GPR161: variants seen among roughly 807,000 people sequenced by gnomAD.
GPR161 encodes G-protein coupled receptor RE2.
Under a neutral mutation model 39.2 loss-of-function variants are expected in GPR161, and 25 were observed. The ratio of observed to expected loss-of-function variants is 0.64; its 90% CI spans 0.47 to 0.89. The LOEUF (loss-of-function observed/expected upper bound fraction) is 0.89. GPR161 is among the 40% of genes least tolerant of loss of function. The pLI, the probability that GPR161 is intolerant of heterozygous loss-of-function variation, is 0.00. For missense variants in GPR161, 547 were observed against 677.8 expected (o/e 0.81, Z 2.14); for synonymous variants, 286 against 276.6 (o/e 1.03, Z -0.34).
intron 1 of GPR161, among the ~76,000 whole-genome samples, chr1:168,116,074 G>A (rs1434221166): frequency 9.8e-5 from 15 of 152,292 alleles, no homozygotes; most frequent in Admixed American, 3.9e-4. Context: ...ACCACGCCCA[G>A]CCTGAAAATA....
intron 5 of GPR161, 126 bp downstream of exon 5, chr1:168,087,459 G>T: frequency 9.0e-7 from 1 of 1,111,888 alleles, no homozygotes; most frequent in Non-Finnish European, 1.3e-6. Context: ...GGAGTAACCA[G>T]GGAGTGAGCA....
rs1693939298 is a variant in GPR161, at chr1:168,079,761, C to CACA, written c.*5767_*5769dup. ...TTCATCCAGCGGTCTATTATGAGAA[C>CACA]ACAACACAGTCCTCTGTCCCTTAAG... On this transcript the variant is annotated 3_prime_UTR_variant, in exon 6 of 6. Coordinates refer to ENST00000682931, the MANE Select transcript of GPR161 (RefSeq NM_001375883.1). 2 of 152,100 alleles carry CACA rather than the reference C, an allele frequency of 1.3e-5. No individual in the cohort carries two copies. Among genetic ancestry groups the CACA allele is most frequent in the Admixed American group, 1.3e-4 (2 of 15,270 alleles). 9.4% of individuals were successfully genotyped at this position (152,100 alleles called of 1,614,324 possible). A position where few individuals can be genotyped will look rare whatever the true frequency, so the allele number is the denominator to read the frequency against.
intron 4 of GPR161, chr1:168,090,305 T>C: frequency 3.0e-6 from 1 of 338,850 alleles, no homozygotes; most frequent in Non-Finnish European, 5.4e-6. Context: ...TTCACTCACT[T>C]TCAACCCCCT....
intron 3 of GPR161, among the ~76,000 whole-genome samples, chr1:168,095,314 G>A (rs1400321419): frequency 6.6e-6 from 1 of 152,230 alleles, no homozygotes; most frequent in African/African-American, 2.4e-5. Flanking sequence ...AAAAACGGGT[G>A]AGATCTGAAT....
Position 168,081,224 on chromosome 1 carries a change from G to A in GPR161, c.*4307C>T, listed in dbSNP as rs1365397327. ...GCTCCCTTAGACTTCTCAAGTTCCA[G>A]ATGCTACTTAGCCTTTCCTCCCTGC... On this transcript the variant is annotated 3_prime_UTR_variant, in exon 6 of 6. Coordinates refer to ENST00000682931, the MANE Select transcript of GPR161 (RefSeq NM_001375883.1). 7.9e-5 allele frequency: 12 copies of A among 152,144 alleles called. No individual in the cohort carries two copies. The highest frequency in any genetic ancestry group is 7.9e-4 in the Admixed American group (12 of 15,284). 9.4% of individuals were successfully genotyped at this position (152,144 alleles called of 1,614,324 possible). A position where few individuals can be genotyped will look rare whatever the true frequency, so the allele number is the denominator to read the frequency against.
At chr1:168,129,872 G>C (rs1407106824) in intron 1 of GPR161, among the ~76,000 whole-genome samples, 2 of 152,178 alleles carry the variant, frequency 1.3e-5, no homozygotes, top group Non-Finnish European at 2.9e-5. Context: ...GAACCCTCTA[G>C]AGGGTAGTCC....
intron 1 of GPR161, among the ~76,000 whole-genome samples, chr1:168,119,237 TATATAC>T (rs1321784139): frequency 4.1e-5 from 5 of 121,242 alleles, no homozygotes; most frequent in East Asian, 4.7e-4. Flanking sequence ...CGTATATATA[TATATAC>T]ACATATATAT....
At chr1:168,134,224 C>A (rs761031819) in intron 1 of GPR161, among the ~76,000 whole-genome samples, 4 of 152,172 alleles carry the variant, frequency 2.6e-5, no homozygotes, top group Non-Finnish European at 5.9e-5. Context: ...TTGAAATATA[C>A]CTCCTCATGC....
rs866435563 is a variant in GPR161, at chr1:168,087,862, C to T, written c.1205-158G>A. The stretch of plus-strand genomic sequence containing the variant: ...CCGCAGCACGTGCCCAAGAAACACC[C>T]GCCTGTCATCCTGTTTCAGGGAGTT... On this transcript the variant is annotated intron_variant, in intron 4 of 5. Coordinates refer to ENST00000682931, the MANE Select transcript of GPR161 (RefSeq NM_001375883.1). 5.7e-5 allele frequency: 37 copies of T among 646,948 alleles called. 1 individual carries two copies. The highest frequency in any genetic ancestry group is 4.8e-4 in the South Asian group (22 of 46,162). The allele number at this position is 646,948 out of a possible 1,614,324, so 40.1% of individuals were successfully genotyped here. A position where few individuals can be genotyped will look rare whatever the true frequency, so the allele number is the denominator to read the frequency against.
In GPR161 at chr1:168,085,502, G is replaced by A; in HGVS notation, c.*29C>T. 1 of 1,592,590 alleles carries A rather than the reference G, an allele frequency of 6.3e-7. No homozygotes were observed. Among genetic ancestry groups the A allele is most frequent in the Non-Finnish European group, 8.6e-7 (1 of 1,165,412 alleles). ...AACTCCTCCCCGGGCCAGCCTCTCA[G>A]GCTGCAGCCCCACGGCACCCTGAGG... On this transcript the variant is annotated 3_prime_UTR_variant, in exon 6 of 6. Transcript: ENST00000682931.
At chr1:168,130,776 C>T (rs939425291) in intron 1 of GPR161, among the ~76,000 whole-genome samples, 2 of 152,172 alleles carry the variant, frequency 1.3e-5, no homozygotes, top group Non-Finnish European at 1.5e-5. Context: ...CATTCAGGCA[C>T]CTCAGATAGA....
chr1:168,087,709 A>C lies in GPR161; in HGVS notation c.1205-5T>G, dbSNP rs1694675919. On this transcript the variant is annotated splice_polypyrimidine_tract_variant and splice_region_variant and intron_variant, in intron 4 of 5. Coordinates refer to ENST00000682931, the MANE Select transcript of GPR161 (RefSeq NM_001375883.1). ...CAAGCAGCATCATATCTGTCCCTAA[A>C]ACAACGGGCAGATTGTGCATATGTA... The C allele has an allele frequency of 6.2e-7, 1 of 1,606,852 alleles. No individual in the cohort carries two copies. Among genetic ancestry groups the C allele is most frequent in the South Asian group, 1.1e-5 (1 of 90,144 alleles).
At chr1:168,109,924 C>T (rs1453969877) in intron 1 of GPR161, among the ~76,000 whole-genome samples, 1 of 152,152 alleles carries the variant, frequency 6.6e-6, no homozygotes, top group African/African-American at 2.4e-5. Context: ...CGAGATCGCA[C>T]CACTGCACTC....
At chr1:168,086,033 A>G (rs1694462157) in intron 5 of GPR161, among the ~76,000 whole-genome samples, 1 of 152,244 alleles carries the variant, frequency 6.6e-6, no homozygotes, top group Non-Finnish European at 1.5e-5. Context: ...GAAGATATTA[A>G]GATACCTCTT....
chr1:168,097,138 T>C lies in GPR161; in HGVS notation c.469A>G (p.Ile157Val). Residue 157 changes from isoleucine to valine, a missense_variant, in exon 3 of 6, where the codon ATC becomes GTC. Coordinates refer to ENST00000682931, the MANE Select transcript of GPR161 (RefSeq NM_001375883.1). The stretch of plus-strand genomic sequence containing the variant: ...CCAAACAGGGGTGGCAGGCAGCCGA[T>C]GAGCGAGTGAAGCCAGATGTAGACA... ...ALVYIWLHSLIGCLPPLFGWS... is the reference protein window; with the variant it reads ...ALVYIWLHSLVGCLPPLFGWS... 6.2e-7 allele frequency: 1 copy of C among 1,614,108 alleles called. No individual in the cohort carries two copies. The highest frequency in any genetic ancestry group is 8.5e-7 in the Non-Finnish European group (1 of 1,180,032).
chr1:168,119,823 T>C (rs1202445859), intron 1 of GPR161, among the ~76,000 whole-genome samples: 1 of 152,162 alleles, frequency 6.6e-6, no homozygotes, highest in Non-Finnish European at 1.5e-5. Flanking sequence ...CCCCAAGCCG[T>C]GGCAGCTTCC....
At chr1:168,087,792 CT>C (rs11351983) in intron 4 of GPR161, 88 bp from the exon 5 acceptor site, 138,956 of 1,342,564 alleles carry the variant, frequency 0.1, 10,054 homozygotes, top group African/African-American at 0.36. Flanking sequence ...TTCCACCCCT[CT>C]TCTCCCGTTC....
At chr1:168,136,182 T>C in intron 1 of GPR161, 1 of 1,271,456 alleles carries the variant, frequency 7.9e-7, no homozygotes, top group Non-Finnish European at 9.9e-7. Context: ...GGGCCACTTC[T>C]GGGCGCGCCA....
chr1:168,091,053 G>C (rs1451875595), intron 3 of GPR161, among the ~76,000 whole-genome samples: 4 of 152,250 alleles, frequency 2.6e-5, no homozygotes, highest in Non-Finnish European at 5.9e-5. Context: ...AATTATCAAA[G>C]AGGGATTTTT....
Sources: gnomAD v4.1 joint callset for allele counts (sites outside exome capture counted in the v4.1 genomes callset) on GRCh38, gnomAD v4.1.1 for gene constraint, MANE v1.5 for transcripts, NCBI Gene and HGNC (gene_info 2026-07-23, HGNC 2026-07-21) for gene names.